CAP2: variants seen among roughly 807,000 people sequenced by gnomAD.
The protein encoded by CAP2 is adenylyl cyclase-associated protein 2.
A neutral mutation model predicts 57.7 loss-of-function variants in CAP2; 24 were observed. That is an observed-to-expected ratio of 0.42 (90% confidence interval 0.30 to 0.58). The LOEUF (loss-of-function observed/expected upper bound fraction) is 0.58. CAP2 is among the 20% of genes least tolerant of loss of function. The probability of loss-of-function intolerance (pLI) is 0.22; values close to 1 mark genes in which losing one functional copy is unlikely to be tolerated. For synonymous variants in CAP2, 194 were observed against 207.2 expected (o/e 0.94, Z 0.55); for missense variants, 501 against 590.3 (o/e 0.85, Z 1.57).
chr6:17,516,944 T>A (rs566182620), intron 7 of CAP2, among the ~76,000 whole-genome samples: 6 of 152,258 alleles, frequency 3.9e-5, no homozygotes, highest in Non-Finnish European at 5.9e-5. Context: ...GGATTGTTTT[T>A]TTTTTCCTAA....
At chr6:17,541,624 T>A (rs1762903584) in intron 9 of CAP2, among the ~76,000 whole-genome samples, 1 of 152,146 alleles carries the variant, frequency 6.6e-6, no homozygotes. Flanking sequence ...ATTTAGGGTG[T>A]CCATTACCTT....
At chr6:17,419,206 A>T (rs1454507084) in intron 1 of CAP2, among the ~76,000 whole-genome samples, 1 of 152,252 alleles carries the variant, frequency 6.6e-6, no homozygotes, top group African/African-American at 2.4e-5. Flanking sequence ...AAACTGACGG[A>T]CTACAAAACA....
At chr6:17,527,258 G>A (rs1444075088) in intron 7 of CAP2, among the ~76,000 whole-genome samples, 1 of 152,000 alleles carries the variant, frequency 6.6e-6, no homozygotes, top group Non-Finnish European at 1.5e-5. Context: ...AAATGAAGTA[G>A]CTGTCCAGCT....
chr6:17,544,890 T>G (rs1447317366), intron 11 of CAP2, among the ~76,000 whole-genome samples: 2 of 152,078 alleles, frequency 1.3e-5, no homozygotes, highest in Non-Finnish European at 2.9e-5. Context: ...ATTTATCCAT[T>G]TAATAACACT....
chr6:17,434,075 A>T (rs1301173800), intron 3 of CAP2, among the ~76,000 whole-genome samples: 1 of 152,198 alleles, frequency 6.6e-6, no homozygotes, highest in Non-Finnish European at 1.5e-5. Flanking sequence ...AACGAGTCAG[A>T]TTCCATGAGT....
At position 17,513,313 on chromosome 6, in the gene CAP2, A is replaced by AGG. The variant is rs1762200959; in HGVS notation, c.531-536_531-535insGG. Among the ~76,000 whole-genome samples, 1 of 152,142 alleles carries AGG rather than the reference A, an allele frequency of 6.6e-6. No homozygotes were observed. The highest frequency in any genetic ancestry group is 6.5e-5 in the Admixed American group (1 of 15,270). On this transcript the variant is annotated intron_variant, in intron 6 of 12. Transcript: ENST00000229922. This position sits in a 1 kb window ranked among gnomAD's most constrained non-coding sequence, Gnocchi z 4.3. ...GGTGTTACCTGTTTGTAAGAGATCA[A>AGG]TTTTCTTCCTATACCAACTTCTTTG...
intron 1 of CAP2, among the ~76,000 whole-genome samples, chr6:17,398,613 C>T (rs1758729230): frequency 6.6e-6 from 1 of 151,850 alleles, no homozygotes; most frequent in Non-Finnish European, 1.5e-5. Flanking sequence ...CAAGCTCTGC[C>T]TCCTGGGTTC....
At chr6:17,440,656 T>C (rs2113562435) in intron 3 of CAP2, among the ~76,000 whole-genome samples, 1 of 149,496 alleles carries the variant, frequency 6.7e-6, no homozygotes, top group Admixed American at 6.7e-5. Context: ...GTCATTTTAA[T>C]GTTCAATTCT....
At chr6:17,503,604 CA>C (rs763364878) in intron 4 of CAP2, among the ~76,000 whole-genome samples, 9,743 of 73,340 alleles carry the variant, frequency 0.13, 309 homozygotes, top group East Asian at 0.18. Flanking sequence ...AACTCTATCT[CA>C]AAAAAAAAAA....
intron 2 of CAP2, among the ~76,000 whole-genome samples, chr6:17,425,958 G>A (rs1190635563): frequency 1.3e-5 from 2 of 151,826 alleles, no homozygotes; most frequent in East Asian, 2.0e-4. Context: ...AACAGAGCAC[G>A]GTGGCACGCA....
At chr6:17,545,716 T>C (rs1763027717) in intron 11 of CAP2, among the ~76,000 whole-genome samples, 1 of 152,050 alleles carries the variant, frequency 6.6e-6, no homozygotes, top group East Asian at 1.9e-4. Flanking sequence ...CTCACAACAG[T>C]CCCCAGAGTG....
intron 3 of CAP2, among the ~76,000 whole-genome samples, chr6:17,432,486 TA>T (rs1228759026): frequency 6.6e-6 from 1 of 152,208 alleles, no homozygotes; most frequent in Non-Finnish European, 1.5e-5. Context: ...TTATTACCAC[TA>T]GATGTGGAAT....
Position 17,507,704 on chromosome 6 carries a change from G to T in CAP2, c.508G>T (p.Val170Phe). ...NDAATFYTNR[V>F]LKDYKHSDLR... ...CGCTGCCACCTTTTACACTAACAGG[G>T]TCTTAAAGGACTACAAACACAGGTA... is the stretch of plus-strand genomic sequence containing the variant. The change falls in exon 6 of 13, where the codon GTC becomes TTC. Residue 170 changes from valine to phenylalanine, a missense_variant. By Grantham distance (50) the Val-to-Phe change is conservative. Transcript: ENST00000229922. 6.2e-7 allele frequency: 1 copy of T among 1,604,812 alleles called. No homozygotes were observed. Among genetic ancestry groups the T allele is most frequent in the Non-Finnish European group, 8.5e-7 (1 of 1,171,830 alleles).
At chr6:17,550,837 C>A (rs550509863) in intron 11 of CAP2, among the ~76,000 whole-genome samples, 1 of 152,086 alleles carries the variant, frequency 6.6e-6, no homozygotes, top group Non-Finnish European at 1.5e-5. Context: ...CTGAGCCAAG[C>A]CCCCAGTTTT....
intron 1 of CAP2, among the ~76,000 whole-genome samples, chr6:17,398,726 G>A (rs200781282): frequency 1.3e-5 from 2 of 151,962 alleles, no homozygotes; most frequent in African/African-American, 2.4e-5. Context: ...GGATTTCACC[G>A]TGTTAGCCAG....
At position 17,513,486 on chromosome 6, in the gene CAP2, A is replaced by G. The variant is rs1762203436; in HGVS notation, c.531-363A>G. 6.6e-6 allele frequency among the ~76,000 whole-genome samples: 1 copy of G among 152,078 alleles called. No individual in the cohort carries two copies. Among genetic ancestry groups the G allele is most frequent in the African/African-American group, 2.4e-5 (1 of 41,404 alleles). On this transcript the variant is annotated intron_variant, in intron 6 of 12. Coordinates refer to ENST00000229922, the MANE Select transcript of CAP2 (RefSeq NM_006366.3). The surrounding 1 kb of genome is among the most constrained non-coding windows in gnomAD (Gnocchi z 4.3). Reference sequence around the variant, plus strand: ...AGTATATTGTCTCTCATTTTGCATCAGAAGCAGTGCAGAAAGAAACAGTCT... The same window carrying G: ...AGTATATTGTCTCTCATTTTGCATCGGAAGCAGTGCAGAAAGAAACAGTCT...
intron 12 of CAP2, among the ~76,000 whole-genome samples, chr6:17,554,945 C>T (rs553127819): frequency 3.3e-5 from 5 of 152,278 alleles, no homozygotes; most frequent in South Asian, 2.1e-4. Context: ...CGTGTGTGTA[C>T]GTGTATTTTC....
At chr6:17,422,849 T>A (rs1214434934) in intron 2 of CAP2, among the ~76,000 whole-genome samples, 1 of 152,238 alleles carries the variant, frequency 6.6e-6, no homozygotes, top group Non-Finnish European at 1.5e-5. Flanking sequence ...TTAATAATTT[T>A]TTTAACAAAT....
chr6:17,428,278 T>C (rs998245906), intron 3 of CAP2, among the ~76,000 whole-genome samples: 4 of 152,184 alleles, frequency 2.6e-5, no homozygotes, highest in African/African-American at 9.6e-5. Context: ...TTTTAAAAAA[T>C]ATTAGCATCA....
Sources: gnomAD v4.1 joint callset for allele counts (sites outside exome capture counted in the v4.1 genomes callset) on GRCh38, gnomAD v4.1.1 for gene constraint, Gnocchi (gnomAD v3.1) non-coding constraint, MANE v1.5 for transcripts, NCBI Gene and HGNC (gene_info 2026-07-23, HGNC 2026-07-21) for gene names.